The following PRUNE1 variants were observed in gnomAD, a reference collection of about 807,000 sequenced individuals.
PRUNE1 encodes the protein prune exopolyphosphatase 1.
PRUNE1 carries 25 observed loss-of-function variants against 42.5 expected under a neutral mutation model. The ratio of observed to expected loss-of-function variants is 0.59; its 90% CI spans 0.43 to 0.82. PRUNE1 has a LOEUF of 0.82. Among genes scored for constraint, PRUNE1 ranks in the 40% least tolerant of loss-of-function variants. The pLI, the probability that PRUNE1 is intolerant of heterozygous loss-of-function variation, is 0.00. For synonymous variants in PRUNE1, 203 were observed against 217.1 expected (o/e 0.93, Z 0.57); for missense variants, 443 against 539.3 (o/e 0.82, Z 1.77).
chr1:151,027,929 A>G (rs1471001789), intron 6 of PRUNE1, among the ~76,000 whole-genome samples: 1 of 151,990 alleles, frequency 6.6e-6, no homozygotes, highest in Admixed American at 6.6e-5. Context: ...TTGTATTTTT[A>G]ATAAAATCTA....
In PRUNE1 at chr1:151,025,686, A is replaced by G. The variant is rs746880699; in HGVS notation, c.679+13A>G. 1.9e-6 allele frequency: 3 copies of G among 1,603,420 alleles called. No individual in the cohort carries two copies. The highest frequency in any genetic ancestry group is 2.6e-6 in the Non-Finnish European group (3 of 1,174,906). On this transcript the variant is annotated intron_variant, in intron 5 of 7. Transcript: ENST00000271620. ...TTTGATGTATCAGGTATGAAATGTTAGCTGACTTTTCTGCCTCCCAGATAA... is the reference window on the plus strand; with the variant it reads ...TTTGATGTATCAGGTATGAAATGTTGGCTGACTTTTCTGCCTCCCAGATAA...
chr1:151,034,195 A>T lies in PRUNE1; in HGVS notation c.1323A>T (p.Ser441=). ...EAVFEKCSQI[S]LSQSTTASLS... is the part of the protein sequence containing the mutation. ...TCTTCGAGAAGTGCAGTCAGATCTC[A>T]CTGTCACAGTCTACCACAGCCTCCC... Residue 441 remains serine, a synonymous_variant, in exon 8 of 8, where the codon TCA becomes TCT. Transcript: ENST00000271620. The T allele has an allele frequency of 6.2e-7, 1 of 1,613,826 alleles. No individual in the cohort carries two copies. The highest frequency in any genetic ancestry group is 8.5e-7 in the Non-Finnish European group (1 of 1,179,932).
chr1:151,020,072 A>T (rs1674324863), intron 3 of PRUNE1, among the ~76,000 whole-genome samples: 1 of 136,240 alleles, frequency 7.3e-6, no homozygotes, highest in East Asian at 2.3e-4. Flanking sequence ...ACCTCAGATG[A>T]TCTGCCCACT....
chr1:151,012,056 C>T (rs753942432), intron 1 of PRUNE1, among the ~76,000 whole-genome samples: 2 of 151,874 alleles, frequency 1.3e-5, no homozygotes, highest in African/African-American at 2.4e-5. Flanking sequence ...GGATTACAGG[C>T]GTGAGCCACC....
chr1:151,034,597 G>A lies in PRUNE1; in HGVS notation c.*363G>A. 1 of 214,696 alleles carries A rather than the reference G, an allele frequency of 4.7e-6. No homozygotes were observed. Among genetic ancestry groups the A allele is most frequent in the Admixed American group, 5.1e-5 (1 of 19,640 alleles). The allele number at this position is 214,696 out of a possible 1,614,324, so 13.3% of individuals were successfully genotyped here. ...TTGAACAGAACCAGTATCTGTCATG[G>A]AACTGAACATTCATCGATGGTCTCC... On this transcript the variant is annotated 3_prime_UTR_variant, in exon 8 of 8. Transcript: ENST00000271620.
chr1:151,010,219 C>T (rs1042577338), intron 1 of PRUNE1, among the ~76,000 whole-genome samples: 1 of 151,950 alleles, frequency 6.6e-6, no homozygotes, highest in Non-Finnish European at 1.5e-5. Flanking sequence ...GAAAAAGCTG[C>T]GACTATAGGC....
At chr1:151,009,579 A>C in intron 1 of PRUNE1, among the ~76,000 whole-genome samples, 1 of 152,202 alleles carries the variant, frequency 6.6e-6, no homozygotes, top group Non-Finnish European at 1.5e-5. Flanking sequence ...TGCCCTGAAG[A>C]AACCTAGATA....
In PRUNE1 at chr1:151,034,278, C is replaced by A; in HGVS notation, c.*44C>A. 6.4e-7 allele frequency: 1 copy of A among 1,554,538 alleles called. No homozygotes were observed. Among genetic ancestry groups the A allele is most frequent in the Non-Finnish European group, 8.8e-7 (1 of 1,138,964 alleles). ...GTAGTGGGTGAGGCTACCTGACTCA[C>A]TTCAAATGCATGTTTTGAGATGTTT... On this transcript the variant is annotated 3_prime_UTR_variant, in exon 8 of 8. Transcript: ENST00000271620.
chr1:151,011,967 C>T (rs587748576), intron 1 of PRUNE1, among the ~76,000 whole-genome samples: 17 of 152,022 alleles, frequency 1.1e-4, no homozygotes, highest in African/African-American at 3.6e-4. Flanking sequence ...TTAGTAGAAA[C>T]GGGGTTTCAC....
chr1:151,034,138 T>C lies in PRUNE1; in HGVS notation c.1266T>C (p.Asp422=), dbSNP rs1175574414. ...MNSLVDECPL[D]QGLPKLSAEA... is the part of the protein sequence containing the mutation. Reference sequence around the variant, plus strand: ...GCTTGGTGGATGAGTGCCCTCTAGATCAGGGGCTGCCTAAACTCTCTGCTG... The same window carrying C: ...GCTTGGTGGATGAGTGCCCTCTAGACCAGGGGCTGCCTAAACTCTCTGCTG... Residue 422 remains aspartate (D), a synonymous_variant, in exon 8 of 8, where the codon GAT becomes GAC. Coordinates refer to ENST00000271620, the MANE Select transcript of PRUNE1 (RefSeq NM_021222.3). 6.2e-7 allele frequency: 1 copy of C among 1,614,150 alleles called. No individual in the cohort carries two copies. The highest frequency in any genetic ancestry group is 1.7e-5 in the Admixed American group (1 of 60,008).
At chr1:151,030,403 C>CCCTTTG (rs889967460) in intron 7 of PRUNE1, among the ~76,000 whole-genome samples, 5 of 152,320 alleles carry the variant, frequency 3.3e-5, no homozygotes, top group East Asian at 1.9e-4. Flanking sequence ...TTTCCCGCCC[C>CCCTTTG]CCTTTGCCTT....
intron 3 of PRUNE1, among the ~76,000 whole-genome samples, chr1:151,020,369 A>G (rs1026394957): frequency 6.6e-6 from 1 of 151,788 alleles, no homozygotes; most frequent in African/African-American, 2.4e-5. Context: ...TGGTAGGATC[A>G]CTTGAGCCTA....
chr1:151,028,638 G>C (rs1675031808), intron 6 of PRUNE1, 148 bp from the exon 7 acceptor site: 2 of 721,386 alleles, frequency 2.8e-6, no homozygotes, highest in African/African-American at 3.6e-5. Flanking sequence ...TGGCTAGGCT[G>C]GTCTCGAACT....
chr1:151,027,809 G>A (rs917788861), intron 6 of PRUNE1, among the ~76,000 whole-genome samples: 1 of 151,094 alleles, frequency 6.6e-6, no homozygotes, highest in South Asian at 2.1e-4. Flanking sequence ...TGTGTCGATG[G>A]GGTCTCACTA....
rs1193643471 is a variant in PRUNE1, at chr1:151,018,767, G to T, written c.335+98G>T. Reference sequence around the variant, plus strand: ...GGAAGAAAGAGTTTTTGCTGGCTGGGCATGGTGGCTCATGCCTGTAATCCC... The same window carrying T: ...GGAAGAAAGAGTTTTTGCTGGCTGGTCATGGTGGCTCATGCCTGTAATCCC... On this transcript the variant is annotated intron_variant, in intron 3 of 7. Coordinates refer to ENST00000271620, the MANE Select transcript of PRUNE1 (RefSeq NM_021222.3). 7.8e-6 allele frequency: 9 copies of T among 1,157,866 alleles called. No individual in the cohort carries two copies. In the Admixed American group the frequency reaches 1.2e-4, roughly 16 times the overall value. 71.7% of individuals were successfully genotyped at this position (1,157,866 alleles called of 1,614,324 possible). A position where few individuals can be genotyped will look rare whatever the true frequency, so the allele number is the denominator to read the frequency against.
At chr1:151,013,290 G>A (rs927472155) in intron 1 of PRUNE1, among the ~76,000 whole-genome samples, 10 of 152,154 alleles carry the variant, frequency 6.6e-5, no homozygotes, top group African/African-American at 2.2e-4. Context: ...GTGTTGACAG[G>A]GGAGAGGAAT....
rs760839907 is a variant in PRUNE1 at position 151,034,203 on chromosome 1, A to T, written c.1331A>T (p.Gln444Leu). Reference sequence around the variant, plus strand: ...AAGTGCAGTCAGATCTCACTGTCACAGTCTACCACAGCCTCCCTGTCCAAG... The same window carrying T: ...AAGTGCAGTCAGATCTCACTGTCACTGTCTACCACAGCCTCCCTGTCCAAG... ...FEKCSQISLS[Q>L]STTASLSKK is the part of the protein sequence containing the mutation. Residue 444 changes from glutamine to leucine, a missense_variant, in exon 8 of 8, where the codon CAG (glutamine) becomes CTG (leucine). Gln to Leu is a moderately radical substitution (Grantham distance 113). Transcript: ENST00000271620. 1.9e-6 allele frequency: 3 copies of T among 1,612,838 alleles called. No homozygotes were observed. Among genetic ancestry groups the T allele is most frequent in the Admixed American group, 1.7e-5 (1 of 59,974 alleles).
In PRUNE1 at chr1:151,012,716, A is replaced by G. The variant is rs925989686; in HGVS notation, c.39+4045A>G. Among the ~76,000 whole-genome samples the G allele has an allele frequency of 1.7e-4, 26 of 152,114 alleles. 1 individual carries two copies. The highest frequency in any genetic ancestry group is 2.1e-4 in the South Asian group (1 of 4,826). On this transcript the variant is annotated intron_variant, in intron 1 of 7. Transcript: ENST00000271620. ...TTACAGCGTAGGCACTTATGGTACT[A>G]TCTCATTTAATCCTCCTAACAACAT...
intron 6 of PRUNE1, among the ~76,000 whole-genome samples, chr1:151,027,584 A>ATT (rs34162206): frequency 0.19 from 25,314 of 134,958 alleles, 2,698 homozygotes; most frequent in East Asian, 0.47. Flanking sequence ...GTCTTTTTTA[A>ATT]TTTTTTTTTT....
Sources: gnomAD v4.1 joint callset for allele counts (sites outside exome capture counted in the v4.1 genomes callset) on GRCh38, gnomAD v4.1.1 for gene constraint, MANE v1.5 for transcripts, NCBI Gene and HGNC (gene_info 2026-07-23, HGNC 2026-07-21) for gene names.